The following DHRSX variants were observed in gnomAD, a reference collection of about 807,000 sequenced individuals.
DHRSX encodes polyprenol dehydrogenase.
DHRSX carries 31 observed loss-of-function variants against 34.0 expected under a neutral mutation model. The observed-to-expected ratio is 0.91, with a 90% CI of 0.69 to 1.23. DHRSX has a LOEUF of 1.23. Among genes scored for constraint, DHRSX ranks in the 50% most tolerant of loss-of-function variants. The probability of loss-of-function intolerance (pLI) is 0.00; values close to 1 mark genes in which losing one functional copy is unlikely to be tolerated. For synonymous variants in DHRSX, 201 were observed against 183.8 expected (o/e 1.09, Z -0.76); for missense variants, 414 against 428.1 (o/e 0.97, Z 0.29).
chrX:2,370,716 C>T (rs1273289092), intron 3 of DHRSX, among the ~76,000 whole-genome samples: 15 of 152,078 alleles, frequency 9.9e-5, no homozygotes, highest in Non-Finnish European at 1.2e-4. Context: ...GGACTGAATT[C>T]CTCGTCTTCC....
chrX:2,396,276 A>C (rs958835099), intron 3 of DHRSX, among the ~76,000 whole-genome samples: 7 of 152,072 alleles, frequency 4.6e-5, no homozygotes, highest in Non-Finnish European at 1.0e-4. Context: ...TTTCCAAATA[A>C]GTTCCTGTTC....
chrX:2,265,517 TGTCC>T (rs2041442545), intron 5 of DHRSX, among the ~76,000 whole-genome samples: 1 of 128,724 alleles, frequency 7.8e-6, no homozygotes, highest in Non-Finnish European at 1.6e-5. Flanking sequence ...AGAGCACCAG[TGTCC>T]AGCAGATGCA....
intron 3 of DHRSX, among the ~76,000 whole-genome samples, chrX:2,315,350 G>C (rs1377737835): frequency 6.6e-6 from 1 of 152,076 alleles, no homozygotes; most frequent in Admixed American, 6.6e-5. Flanking sequence ...GGGGTACAGG[G>C]TGAGAAAGGC....
At chrX:2,287,602 TA>T (rs1569484088) in intron 4 of DHRSX, among the ~76,000 whole-genome samples, 1 of 106,266 alleles carries the variant, frequency 9.4e-6, no homozygotes, top group Non-Finnish European at 2.0e-5. Context: ...AAGATGTCCA[TA>T]TCCAAATCCC....
chrX:2,382,705 TCAC>T (rs2043221795), intron 3 of DHRSX, among the ~76,000 whole-genome samples: 1 of 79,088 alleles, frequency 1.3e-5, no homozygotes, highest in Admixed American at 1.4e-4. Flanking sequence ...ATCATCACCA[TCAC>T]CATCATCACC....
At chrX:2,425,997 G>GGA (rs2043841940) in intron 1 of DHRSX, among the ~76,000 whole-genome samples, 1 of 152,150 alleles carries the variant, frequency 6.6e-6, no homozygotes, top group African/African-American at 2.4e-5. Context: ...GGTGGTTAGG[G>GGA]CAGGTGGAGA....
intron 1 of DHRSX, among the ~76,000 whole-genome samples, chrX:2,455,112 CAA>C (rs35335750): frequency 7.2e-6 from 1 of 139,306 alleles, no homozygotes. Context: ...AACCCCATCT[CAA>C]AAAAAAAAAA....
chrX:2,243,273 C>T (rs1247994223), intron 5 of DHRSX, 43 bp from the exon 6 acceptor site: 1 of 1,564,610 alleles, frequency 6.4e-7, no homozygotes, highest in Non-Finnish European at 8.8e-7. Context: ...TGACGGCGTT[C>T]ACGCCTAAGT....
At chrX:2,429,521 C>T (rs952265895) in intron 1 of DHRSX, among the ~76,000 whole-genome samples, 60 of 151,852 alleles carry the variant, frequency 4.0e-4, no homozygotes, top group African/African-American at 1.4e-3. Flanking sequence ...AATCATGGCT[C>T]GCTGAAGCCT....
chrX:2,254,946 G>A (rs113782092), intron 5 of DHRSX, among the ~76,000 whole-genome samples: 2 of 104,678 alleles, frequency 1.9e-5, no homozygotes, highest in Non-Finnish European at 2.2e-5. Flanking sequence ...CCTGCCCCAC[G>A]CCCCCCCCCT....
At chrX:2,449,722 C>T (rs1603108480) in intron 1 of DHRSX, among the ~76,000 whole-genome samples, 1 of 152,070 alleles carries the variant, frequency 6.6e-6, no homozygotes, top group Non-Finnish European at 1.5e-5. Flanking sequence ...GCTGTGGTCA[C>T]AGCTCACTGC....
At chrX:2,376,581 C>G (rs2043142664) in intron 3 of DHRSX, among the ~76,000 whole-genome samples, 2 of 137,620 alleles carry the variant, frequency 1.5e-5, no homozygotes, top group South Asian at 4.6e-4. Flanking sequence ...CAGATCTTTG[C>G]ATACAATTAG....
chrX:2,402,180 C>T (rs2043494466), intron 3 of DHRSX, among the ~76,000 whole-genome samples: 2 of 152,146 alleles, frequency 1.3e-5, no homozygotes, highest in South Asian at 2.1e-4. Flanking sequence ...GGACGTGAGC[C>T]GACTTGCTTA....
At chrX:2,415,359 T>C (rs183046629) in intron 2 of DHRSX, among the ~76,000 whole-genome samples, 1 of 151,904 alleles carries the variant, frequency 6.6e-6, no homozygotes, top group African/African-American at 2.4e-5. Context: ...CTAGATCTCA[T>C]CATAACCTAA....
chrX:2,372,407 G>T (rs2043083351), intron 3 of DHRSX, among the ~76,000 whole-genome samples: 1 of 152,106 alleles, frequency 6.6e-6, no homozygotes, highest in Non-Finnish European at 1.5e-5. Flanking sequence ...CACACGAACC[G>T]CTGGGGGAAG....
chrX:2,353,730 TGC>T (rs2124577982), intron 3 of DHRSX, among the ~76,000 whole-genome samples: 1 of 149,010 alleles, frequency 6.7e-6, no homozygotes, highest in East Asian at 2.0e-4. Flanking sequence ...ACTACAGGCA[TGC>T]ACCACCACAC....
At chrX:2,304,144 GATGGATGGATGGATGGATGGATGA>G (rs1569485854) in intron 3 of DHRSX, among the ~76,000 whole-genome samples, 1 of 142,308 alleles carries the variant, frequency 7.0e-6, no homozygotes, top group Non-Finnish European at 1.5e-5. Flanking sequence ...TGGATGAATG[GATGGATGGATGGATGGATGGATGA>G]ACTGATGGAT....
chrX:2,308,441 T>G (rs1388256295), intron 3 of DHRSX, among the ~76,000 whole-genome samples: 1 of 152,112 alleles, frequency 6.6e-6, no homozygotes, highest in Non-Finnish European at 1.5e-5. Context: ...AACGTTCACA[T>G]TTATCAGCCA....
At chrX:2,493,203 C>T (rs1278483283) in intron 1 of DHRSX, among the ~76,000 whole-genome samples, 1 of 152,198 alleles carries the variant, frequency 6.6e-6, no homozygotes, top group Non-Finnish European at 1.5e-5. Flanking sequence ...GCATCTTCTG[C>T]AGCCGAGTTA....
Sources: gnomAD v4.1 joint callset for allele counts (sites outside exome capture counted in the v4.1 genomes callset) on GRCh38, gnomAD v4.1.1 for gene constraint, MANE v1.5 for transcripts, NCBI Gene and HGNC (gene_info 2026-07-23, HGNC 2026-07-21) for gene names.